Variants in RHEX observed in about 807,000 individuals in gnomAD.
RHEX encodes regulator of hemoglobinization and erythroid cell expansion protein.
A neutral mutation model predicts 20.1 loss-of-function variants in RHEX; 18 were observed. The observed-to-expected ratio is 0.90, with a 90% CI of 0.62 to 1.33. RHEX has a LOEUF of 1.33. RHEX is among the 40% of genes most tolerant of loss of function. The probability of loss-of-function intolerance (pLI) is 0.00; values close to 1 mark genes in which losing one functional copy is unlikely to be tolerated. For synonymous variants in RHEX, 87 were observed against 77.1 expected, an observed-to-expected ratio of 1.13 and a Z score of -0.67; for missense variants, 192 against 214.3, an observed-to-expected ratio of 0.90 and a Z score of 0.65.
At chr1:206,100,401 G>A (rs1346105973) in intron 4 of RHEX, among the ~76,000 whole-genome samples, 1 of 152,248 alleles carries the variant, frequency 6.6e-6, no homozygotes, top group Non-Finnish European at 1.5e-5. Flanking sequence ...ACTCACCAGA[G>A]ATTGCACTTC....
At position 206,083,449 on chromosome 1, in the gene RHEX, C is replaced by G. The variant is rs147949304; in HGVS notation, c.-96-14284C>G. On this transcript the variant is annotated intron_variant, in intron 1 of 5. Transcript: ENST00000331555. ...AGACAGGAGGCATTATCTCTCCCTT[C>G]ACCCTGCTGTACTCAACGAGCGAGA... is the stretch of plus-strand genomic sequence containing the variant. The G allele has an allele frequency of 5.5e-5, 53 of 970,796 alleles. No homozygotes were observed. In the African/African-American group the frequency reaches 6.7e-4, roughly 12 times the overall value. The allele number at this position is 970,796 out of a possible 1,614,324, so 60.1% of individuals were successfully genotyped here.
At chr1:206,098,418 G>T in intron 3 of RHEX, 2 of 510,100 alleles carry the variant, frequency 3.9e-6, no homozygotes, top group Non-Finnish European at 7.1e-6. Flanking sequence ...ATCCACATCC[G>T]TCTACTACCC....
At chr1:206,096,774 T>TG (rs1361117203) in intron 1 of RHEX, among the ~76,000 whole-genome samples, 10 of 141,244 alleles carry the variant, frequency 7.1e-5, no homozygotes, top group East Asian at 6.3e-4. Flanking sequence ...TGTTTTTTTT[T>TG]TTTTTGGTTT....
chr1:206,067,149 G>A lies in RHEX; in HGVS notation c.-97+13884G>A, dbSNP rs1279744665. On this transcript the variant is annotated intron_variant, in intron 1 of 5. Coordinates refer to ENST00000331555, the MANE Select transcript of RHEX (RefSeq NM_001007544.4). This position sits in a 1 kb window ranked among gnomAD's most constrained non-coding sequence, Gnocchi z 4.6. Reference sequence around the variant, plus strand: ...AGAAAGTCTGGTAATAACACAAAGAGGGGGTACTGAGGCATATCTAACCTC... The same window carrying A: ...AGAAAGTCTGGTAATAACACAAAGAAGGGGTACTGAGGCATATCTAACCTC... Among the ~76,000 whole-genome samples the A allele has an allele frequency of 6.6e-6, 1 of 152,180 alleles. No homozygotes were observed. Among genetic ancestry groups the A allele is most frequent in the Non-Finnish European group, 1.5e-5 (1 of 68,038 alleles).
At chr1:206,078,268 G>A (rs28595722) in intron 1 of RHEX, among the ~76,000 whole-genome samples, 30,884 of 152,092 alleles carry the variant, frequency 0.2, 4,637 homozygotes, top group African/African-American at 0.42. Context: ...GGCTGGGTGC[G>A]GTGGCTCATG....
rs1662456552 is a variant in RHEX at position 206,067,765 on chromosome 1, C to T, written c.-97+14500C>T. Among the ~76,000 whole-genome samples, 1 of 152,236 alleles carries T rather than the reference C, an allele frequency of 6.6e-6. No individual in the cohort carries two copies. Among genetic ancestry groups the T allele is most frequent in the Non-Finnish European group, 1.5e-5 (1 of 68,044 alleles). On this transcript the variant is annotated intron_variant, in intron 1 of 5. Transcript: ENST00000331555. This position sits in a 1 kb window ranked among gnomAD's most constrained non-coding sequence, Gnocchi z 4.6. ...CCAGTCCCTGCCTCTTTGCAGACAG[C>T]CCCTTCTCTGCCGTGCTGCCCATTG...
intron 1 of RHEX, among the ~76,000 whole-genome samples, chr1:206,068,404 C>T (rs1447365450): frequency 1.3e-5 from 2 of 152,114 alleles, no homozygotes; most frequent in African/African-American, 4.8e-5. Context: ...TACCACAAAC[C>T]TCAGTAAAGC....
chr1:206,076,497 C>A (rs151209336), intron 1 of RHEX, among the ~76,000 whole-genome samples: 1 of 152,232 alleles, frequency 6.6e-6, no homozygotes, highest in Non-Finnish European at 1.5e-5. Context: ...GTTTCATAAA[C>A]CTTTTGTACC....
chr1:206,097,270 T>G (rs965591992), intron 1 of RHEX, among the ~76,000 whole-genome samples: 19 of 152,240 alleles, frequency 1.2e-4, no homozygotes, highest in Middle Eastern at 3.4e-3. Context: ...TACCAGCAAC[T>G]AAGTCACAGC....
At chr1:206,099,203 G>A (rs1418171277) in intron 3 of RHEX, among the ~76,000 whole-genome samples, 1 of 152,172 alleles carries the variant, frequency 6.6e-6, no homozygotes, top group Non-Finnish European at 1.5e-5. Context: ...CCATGGCAGG[G>A]TTTTGAGCAC....
At chr1:206,099,863 A>C (rs1558180938) in intron 4 of RHEX, 65 bp downstream of exon 4, 18 of 1,521,930 alleles carry the variant, frequency 1.2e-5, no homozygotes, top group Non-Finnish European at 1.6e-5. Flanking sequence ...GACACCCAGG[A>C]CCTCCCTGCA....
chr1:206,098,420 C>G (rs1663123123), intron 3 of RHEX: 2 of 506,956 alleles, frequency 3.9e-6, no homozygotes, highest in African/African-American at 3.8e-5. Context: ...CCACATCCGT[C>G]TACTACCCAG....
In RHEX at chr1:206,063,073, G is replaced by GT. The variant is rs1318964129; in HGVS notation, c.-97+9810dup. ...AGTGGGTTGCTAGTTTGTATCAGGTGTTCAGGGAAGGCCTTACTGACATTT... is the reference window on the plus strand; with the variant it reads ...AGTGGGTTGCTAGTTTGTATCAGGTGTTTCAGGGAAGGCCTTACTGACATTT... On this transcript the variant is annotated intron_variant, in intron 1 of 5. Transcript: ENST00000331555. Among the ~76,000 whole-genome samples, 7 of 152,178 alleles carry GT rather than the reference G, an allele frequency of 4.6e-5. No homozygotes were observed. The East Asian group carries it at 1.3e-3, about 29-fold the overall frequency.
At chr1:206,069,750 A>G (rs1366079101) in intron 1 of RHEX, among the ~76,000 whole-genome samples, 2 of 151,670 alleles carry the variant, frequency 1.3e-5, no homozygotes, top group African/African-American at 4.8e-5. Flanking sequence ...CGACATTTTC[A>G]TTGAGTACGG....
chr1:206,065,288 A>C, intron 1 of RHEX, among the ~76,000 whole-genome samples: 1 of 151,648 alleles, frequency 6.6e-6, no homozygotes, highest in East Asian at 1.9e-4. Flanking sequence ...AAAAAAAAAA[A>C]GATTTTTCTG....
intron 1 of RHEX, among the ~76,000 whole-genome samples, chr1:206,093,750 T>C (rs1215900100): frequency 2.0e-5 from 3 of 152,068 alleles, no homozygotes; most frequent in African/African-American, 4.8e-5. Flanking sequence ...CCTGTATCAG[T>C]GGAGGAGGGA....
At chr1:206,071,150 A>G (rs1252691171) in intron 1 of RHEX, among the ~76,000 whole-genome samples, 1 of 152,182 alleles carries the variant, frequency 6.6e-6, no homozygotes, top group African/African-American at 2.4e-5. Context: ...CTGTGGTTGA[A>G]GGTCTGAGAG....
chr1:206,099,682 C>CGGCCA lies in RHEX; in HGVS notation c.142_146dup (p.Ser49ArgfsTer22). The CGGCCA allele has an allele frequency of 6.2e-7, 1 of 1,614,094 alleles. No homozygotes were observed. The highest frequency in any genetic ancestry group is 2.2e-5 in the East Asian group (1 of 44,882). ...CACAAGAGTGAACAGATACTGAAAG[C>CGGCCA]GGCCAGTCTCCAGGTTCCCAGGCCC... is the stretch of plus-strand genomic sequence containing the variant. On this transcript the variant is annotated frameshift_variant, in exon 4 of 6. Transcript: ENST00000331555. LOFTEE classifies it high-confidence loss of function.
At chr1:206,061,474 G>C (rs1317315554) in intron 1 of RHEX, 3 of 152,308 alleles carry the variant, frequency 2.0e-5, no homozygotes, top group African/African-American at 7.2e-5. Context: ...ACCCCACACA[G>C]AGGGTGGTGG....
Sources: allele counts gnomAD v4.1 joint callset (sites outside exome capture counted in the v4.1 genomes callset), GRCh38; gene constraint gnomAD v4.1.1; non-coding constraint Gnocchi (gnomAD v3.1); transcripts MANE v1.5; gene names NCBI Gene and HGNC (gene_info 2026-07-23, HGNC 2026-07-21).